Variants in ITGBL1 observed in about 807,000 individuals in gnomAD.
The protein encoded by ITGBL1 is integrin beta-like protein 1.
Under a neutral mutation model 68.5 loss-of-function variants are expected in ITGBL1, and 51 were observed. The ratio of observed to expected loss-of-function variants is 0.74; its 90% CI spans 0.59 to 0.94. ITGBL1 has a LOEUF of 0.94. Among genes scored for constraint, ITGBL1 ranks in the 40% least tolerant of loss-of-function variants. The probability of loss-of-function intolerance (pLI) is 0.00; values close to 1 mark genes in which losing one functional copy is unlikely to be tolerated. For missense variants in ITGBL1, 649 were observed against 647.4 expected, an observed-to-expected ratio of 1.00 and a Z score of -0.03; for synonymous variants, 209 against 227.3, an observed-to-expected ratio of 0.92 and a Z score of 0.72.
At chr13:101,540,390 C>T (rs2049672322) in intron 2 of ITGBL1, among the ~76,000 whole-genome samples, 1 of 152,110 alleles carries the variant, frequency 6.6e-6, no homozygotes, top group African/African-American at 2.4e-5. Context: ...TCTGAGGGCT[C>T]TGTTCTGTTC....
At chr13:101,498,195 T>A (rs904505412) in intron 2 of ITGBL1, among the ~76,000 whole-genome samples, 6 of 152,192 alleles carry the variant, frequency 3.9e-5, no homozygotes, top group Admixed American at 3.9e-4. Flanking sequence ...ATAGCTTCTA[T>A]TGGGAGTTGT....
At chr13:101,515,127 G>A (rs1269579779) in intron 2 of ITGBL1, among the ~76,000 whole-genome samples, 3 of 152,060 alleles carry the variant, frequency 2.0e-5, no homozygotes, top group African/African-American at 7.2e-5. Flanking sequence ...AATTATGTTT[G>A]GTTTTGTCTT....
chr13:101,466,411 A>C (rs2048382442), intron 2 of ITGBL1, among the ~76,000 whole-genome samples: 1 of 152,138 alleles, frequency 6.6e-6, no homozygotes, highest in African/African-American at 2.4e-5. Flanking sequence ...GCTTTGATTC[A>C]CTTCATGAAC....
intron 2 of ITGBL1, among the ~76,000 whole-genome samples, chr13:101,520,331 T>G (rs1383316505): frequency 6.6e-6 from 1 of 152,232 alleles, no homozygotes; most frequent in Non-Finnish European, 1.5e-5. Flanking sequence ...GCATCTCTTT[T>G]TTTAACCAAT....
chr13:101,615,531 T>C (rs900008088), intron 7 of ITGBL1, among the ~76,000 whole-genome samples: 1 of 152,114 alleles, frequency 6.6e-6, no homozygotes, highest in Non-Finnish European at 1.5e-5. Context: ...AAATTACATG[T>C]TGAAACCTAG....
chr13:101,463,012 G>A (rs1477409718), intron 2 of ITGBL1, among the ~76,000 whole-genome samples: 1 of 152,124 alleles, frequency 6.6e-6, no homozygotes, highest in Non-Finnish European at 1.5e-5. Context: ...CTACAGGGAG[G>A]TTACCCAAGA....
At chr13:101,680,890 C>G (rs1416462032) in intron 7 of ITGBL1, among the ~76,000 whole-genome samples, 1 of 152,148 alleles carries the variant, frequency 6.6e-6, no homozygotes, top group African/African-American at 2.4e-5. Flanking sequence ...GTACCTGTGC[C>G]ACAAAGTGTA....
chr13:101,664,265 AGTTACAGAGT>A (rs1420344679), intron 7 of ITGBL1, among the ~76,000 whole-genome samples: 1 of 152,218 alleles, frequency 6.6e-6, no homozygotes, highest in Non-Finnish European at 1.5e-5. Context: ...CCTAATATAA[AGTTACAGAGT>A]GTCAGATCAG....
chr13:101,612,124 G>A (rs1400379096), intron 7 of ITGBL1, among the ~76,000 whole-genome samples: 1 of 152,116 alleles, frequency 6.6e-6, no homozygotes, highest in Non-Finnish European at 1.5e-5. Flanking sequence ...AAGGCAAAAA[G>A]GCAAGATTCT....
intron 2 of ITGBL1, among the ~76,000 whole-genome samples, chr13:101,480,531 G>A (rs551588132): frequency 2.0e-5 from 3 of 152,014 alleles, no homozygotes; most frequent in South Asian, 2.1e-4. Flanking sequence ...CAATTGGAAT[G>A]TTTGTAACAC....
intron 7 of ITGBL1, among the ~76,000 whole-genome samples, chr13:101,679,668 A>G (rs950762095): frequency 8.5e-5 from 13 of 152,306 alleles, no homozygotes; most frequent in Middle Eastern, 3.4e-3. Context: ...TACCTAATTT[A>G]TAGCGTTTTT....
At chr13:101,530,622 GTTATT>G (rs771624391) in intron 2 of ITGBL1, among the ~76,000 whole-genome samples, 2 of 152,078 alleles carry the variant, frequency 1.3e-5, no homozygotes, top group Admixed American at 6.5e-5. Context: ...AGAAATCAGT[GTTATT>G]TTATTTTACA....
Position 101,583,351 on chromosome 13 carries a change from G to C in ITGBL1, c.863G>C (p.Cys288Ser), listed in dbSNP as rs777925888. 1.3e-6 allele frequency: 2 copies of C among 1,567,118 alleles called. No homozygotes were observed. The highest frequency in any genetic ancestry group is 1.9e-5 in the Admixed American group (1 of 53,564). The change falls in exon 6 of 11, where the codon TGT becomes TCT. Residue 288 changes from cysteine to serine, a missense_variant. Transcript: ENST00000376180. ...TATGACCGATATTCTGATGACTTCT[G>C]TTCAGGTAAGGGCTCTTCCAATTCC... ...AVYDRYSDDF[C>S]SGHGQCNCGR...
intron 4 of ITGBL1, among the ~76,000 whole-genome samples, chr13:101,578,493 G>A (rs2050400731): frequency 1.3e-5 from 2 of 152,208 alleles, no homozygotes; most frequent in Admixed American, 6.5e-5. Flanking sequence ...CATCTTTGGG[G>A]AATTTGCAGA....
rs182981623 is a variant in ITGBL1 at position 101,605,626 on chromosome 13, A to T, written c.1015+7327A>T. ...TGTATATGCGTATATATATACACGT[A>T]TGTAGACATGTATGTGTGTATGCGT... On this transcript the variant is annotated intron_variant, in intron 7 of 10. Coordinates refer to ENST00000376180, the MANE Select transcript of ITGBL1 (RefSeq NM_004791.3). Among the ~76,000 whole-genome samples, 237 of 144,252 alleles carry T rather than the reference A, an allele frequency of 1.6e-3. 1 individual carries two copies. The highest frequency in any genetic ancestry group is 2.5e-3 in the Non-Finnish European group (162 of 64,028). The allele number at this position is 144,252 out of a possible 152,430, so 94.6% of individuals were successfully genotyped here. A position where few individuals can be genotyped will look rare whatever the true frequency, so the allele number is the denominator to read the frequency against.
chr13:101,677,503 A>G (rs2033533895), intron 7 of ITGBL1, among the ~76,000 whole-genome samples: 1 of 152,194 alleles, frequency 6.6e-6, no homozygotes, highest in African/African-American at 2.4e-5. Flanking sequence ...GGAAATAGGG[A>G]GGATCATTAT....
downstream of ITGBL1, chr13:101,717,023 T>C (rs553759663): frequency 1.3e-5 from 2 of 152,090 alleles, no homozygotes; most frequent in Admixed American, 6.5e-5. Context: ...AAAAAACCAC[T>C]TTTTTTCTAA....
At chr13:101,485,387 A>G (rs1023259387) in intron 2 of ITGBL1, among the ~76,000 whole-genome samples, 1 of 152,224 alleles carries the variant, frequency 6.6e-6, no homozygotes, top group Non-Finnish European at 1.5e-5. Flanking sequence ...GGATATGAAT[A>G]GACAGTTCTC....
chr13:101,655,911 GAC>G (rs2032906258), intron 7 of ITGBL1, among the ~76,000 whole-genome samples: 2 of 152,190 alleles, frequency 1.3e-5, no homozygotes, highest in Non-Finnish European at 1.5e-5. Flanking sequence ...CATGGCCCAT[GAC>G]ACAGCCTCAG....
Sources: gnomAD v4.1 joint callset for allele counts (sites outside exome capture counted in the v4.1 genomes callset) on GRCh38, gnomAD v4.1.1 for gene constraint, MANE v1.5 for transcripts, NCBI Gene and HGNC (gene_info 2026-07-23, HGNC 2026-07-21) for gene names.